The following SKIC3 variants were observed in gnomAD, a reference collection of about 807,000 sequenced individuals.
SKIC3 encodes the protein SKI3 subunit of superkiller complex.
At chr5:95,542,404 G>A in the SKIC3 span, among the ~76,000 whole-genome samples, 1 of 152,054 alleles carries the variant, frequency 6.6e-6, no homozygotes, top group Non-Finnish European at 1.5e-5. Flanking sequence ...ACCATGCTAC[G>A]TAGTTACCAC....
chr5:95,504,818 T>G, the SKIC3 span, among the ~76,000 whole-genome samples: 1 of 151,906 alleles, frequency 6.6e-6, no homozygotes, highest in Admixed American at 6.6e-5. Context: ...CTGGCCAACA[T>G]GATGAAACCC....
the SKIC3 span, among the ~76,000 whole-genome samples, chr5:95,508,072 A>G: frequency 6.6e-6 from 1 of 152,174 alleles, no homozygotes; most frequent in Non-Finnish European, 1.5e-5. Flanking sequence ...GGTTTTTCAT[A>G]TACACTCATT....
At chr5:95,525,516 C>A in the SKIC3 span, 1 of 1,613,516 alleles carries the variant, frequency 6.2e-7, no homozygotes, top group Non-Finnish European at 8.5e-7. Flanking sequence ...AAAGTAGACA[C>A]CTGTCAATTC....
chr5:95,523,849 TTGA>T, the SKIC3 span: 1 of 1,610,766 alleles, frequency 6.2e-7, no homozygotes, highest in Non-Finnish European at 8.5e-7. Flanking sequence ...GAAATAAATA[TTGA>T]TAATAACAGA....
At chr5:95,542,474 T>C in the SKIC3 span, among the ~76,000 whole-genome samples, 1 of 152,166 alleles carries the variant, frequency 6.6e-6, no homozygotes, top group Admixed American at 6.5e-5. Flanking sequence ...TATGTGACAC[T>C]ACCTTTATGA....
At chr5:95,465,533 C>T in the SKIC3 span, among the ~76,000 whole-genome samples, 1 of 152,168 alleles carries the variant, frequency 6.6e-6, no homozygotes, top group East Asian at 1.9e-4. Context: ...TGAGATTCTG[C>T]TCTATTTGGA....
the SKIC3 span, chr5:95,520,700 T>A: frequency 6.3e-7 from 1 of 1,576,416 alleles, no homozygotes; most frequent in South Asian, 1.2e-5. Flanking sequence ...CAATAAATAA[T>A]AAGAATAATA....
At chr5:95,473,034 T>C in the SKIC3 span, among the ~76,000 whole-genome samples, 81 of 152,272 alleles carry the variant, frequency 5.3e-4, no homozygotes, top group Middle Eastern at 0.031. Context: ...GTTGATTCCA[T>C]GTCTCTGCAT....
chr5:95,523,459 A>C, the SKIC3 span: 1 of 1,183,440 alleles, frequency 8.4e-7, no homozygotes, highest in Non-Finnish European at 1.2e-6. Flanking sequence ...ACATCAAATT[A>C]CAGTTTCAAC....
At chr5:95,528,111 G>A in the SKIC3 span, 1 of 1,613,764 alleles carries the variant, frequency 6.2e-7, no homozygotes, top group East Asian at 2.2e-5. Context: ...CTCTGATAAA[G>A]ACTGTTACCA....
the SKIC3 span, chr5:95,494,782 C>A: frequency 6.2e-7 from 1 of 1,613,626 alleles, no homozygotes; most frequent in East Asian, 2.2e-5. Flanking sequence ...CCGCAGTGTA[C>A]AGTAATGCCT....
the SKIC3 span, chr5:95,503,055 G>C: frequency 6.2e-6 from 10 of 1,608,206 alleles, no homozygotes; most frequent in Non-Finnish European, 8.5e-6. Flanking sequence ...CATCCTGATT[G>C]ATGAAGCATG....
the SKIC3 span, chr5:95,523,373 AAGAC>A: frequency 4.5e-5 from 70 of 1,565,498 alleles, no homozygotes; most frequent in South Asian, 1.5e-4. Flanking sequence ...ACATTATAAA[AAGAC>A]AGAACGCTCA....
At chr5:95,499,213 G>A in the SKIC3 span, among the ~76,000 whole-genome samples, 9 of 152,068 alleles carry the variant, frequency 5.9e-5, no homozygotes, top group Non-Finnish European at 1.2e-4. Context: ...CAGTGTTGGC[G>A]GTGGGTCTAG....
chr5:95,530,864 A>G, the SKIC3 span, among the ~76,000 whole-genome samples: 1 of 152,220 alleles, frequency 6.6e-6, no homozygotes, highest in African/African-American at 2.4e-5. Flanking sequence ...TTTAGAAAAC[A>G]TTATATATTT....
the SKIC3 span, chr5:95,506,906 A>G: frequency 6.2e-7 from 1 of 1,609,216 alleles, no homozygotes; most frequent in Non-Finnish European, 8.5e-7. Context: ...ATCAATTGAC[A>G]GAATTAATGG....
chr5:95,482,716 AT>A, the SKIC3 span: 3 of 1,491,248 alleles, frequency 2.0e-6, no homozygotes, highest in Non-Finnish European at 2.8e-6. Context: ...AGTTGGGAAA[AT>A]AAAATTCTGA....
At chr5:95,498,572 T>C in the SKIC3 span, 1 of 1,614,164 alleles carries the variant, frequency 6.2e-7, no homozygotes, top group Non-Finnish European at 8.5e-7. Flanking sequence ...CTTTCTGTGG[T>C]TGGTTCCTTT....
chr5:95,506,903 G>T, the SKIC3 span: 1 of 1,605,024 alleles, frequency 6.2e-7, no homozygotes, highest in South Asian at 1.1e-5. Flanking sequence ...ACAATCAATT[G>T]ACAGAATTAA....
Sources: allele counts gnomAD v4.1 joint callset (sites outside exome capture counted in the v4.1 genomes callset), GRCh38; gene constraint gnomAD v4.1.1; transcripts MANE v1.5; gene names NCBI Gene and HGNC (gene_info 2026-07-23, HGNC 2026-07-21).